Variants in ADGRL2 observed in about 807,000 individuals in gnomAD.
ADGRL2 encodes the protein calcium-independent alpha-latrotoxin receptor 2.
In ADGRL2, 44 loss-of-function variants were observed where a neutral mutation model predicts 157.4. That is an observed-to-expected ratio of 0.28 (90% CI 0.22 to 0.36). The LOEUF (loss-of-function observed/expected upper bound fraction) is 0.36, where lower values mean the gene tolerates loss of function less well. Ranked by LOEUF, ADGRL2 falls within the 10% of genes least tolerant of loss-of-function variation. ADGRL2 has a pLI of 1.00. For missense variants in ADGRL2, 1,510 were observed against 1,768.9 expected, an observed-to-expected ratio of 0.85 and a Z score of 2.63; for synonymous variants, 585 against 624.7, an observed-to-expected ratio of 0.94 and a Z score of 0.95.
intron 2 of ADGRL2, among the ~76,000 whole-genome samples, chr1:81,883,600 T>C (rs1308644503): frequency 6.6e-6 from 1 of 152,186 alleles, no homozygotes; most frequent in Non-Finnish European, 1.5e-5. Flanking sequence ...TCCTGGTTAC[T>C]TTAAAACCCA....
chr1:81,965,854 T>A (rs1230729396), intron 11 of ADGRL2, among the ~76,000 whole-genome samples: 6 of 152,160 alleles, frequency 3.9e-5, no homozygotes, highest in African/African-American at 1.2e-4. Context: ...CAATACAAAA[T>A]TTTTTTGAGA....
intron 1 of ADGRL2, among the ~76,000 whole-genome samples, chr1:81,439,149 T>C (rs1557689717): frequency 6.6e-6 from 1 of 152,232 alleles, no homozygotes; most frequent in Non-Finnish European, 1.5e-5. Flanking sequence ...ATGTTTCTCA[T>C]GTGTTGTTAT....
At chr1:81,754,350 G>A (rs1041666112) in intron 1 of ADGRL2, among the ~76,000 whole-genome samples, 2 of 150,434 alleles carry the variant, frequency 1.3e-5, no homozygotes, top group Non-Finnish European at 3.0e-5. Context: ...ATATAAAATG[G>A]GGATAATAAT....
chr1:81,950,073 C>A, intron 6 of ADGRL2, 116 bp from the exon 7 acceptor site: 1 of 791,458 alleles, frequency 1.3e-6, no homozygotes, highest in Non-Finnish European at 2.1e-6. Context: ...GGTTTGTGGG[C>A]AGACAGATGG....
intron 3 of ADGRL2, among the ~76,000 whole-genome samples, chr1:81,598,094 A>T (rs2148619739): frequency 6.6e-6 from 1 of 152,276 alleles, no homozygotes; most frequent in East Asian, 1.9e-4. Context: ...TGGTAAACTG[A>T]GCATATTCTC....
intron 1 of ADGRL2, among the ~76,000 whole-genome samples, chr1:81,384,757 TTACTAA>T (rs1286250093): frequency 1.3e-5 from 2 of 152,156 alleles, no homozygotes; most frequent in Non-Finnish European, 2.9e-5. Flanking sequence ...GTATCCACAA[TTACTAA>T]TATATGCTTG....
chr1:81,466,083 G>A lies in ADGRL2; in HGVS notation c.-248+20994G>A, dbSNP rs377519705. On this transcript the variant is annotated intron_variant, in intron 2 of 24. Coordinates refer to the ADGRL2 transcript ENST00000370721. The stretch of plus-strand genomic sequence containing the variant: ...TAATGTGTCAGAGAAGTATTGTAAA[G>A]TAATCTGCAAGAAGCCAGAAGATAG... Among the ~76,000 whole-genome samples the A allele has an allele frequency of 3.9e-5, 6 of 152,334 alleles. No homozygotes were observed. In the East Asian group the frequency reaches 9.6e-4, roughly 24 times the overall value.
intron 2 of ADGRL2, among the ~76,000 whole-genome samples, chr1:81,528,835 G>A (rs1362397924): frequency 2.6e-5 from 4 of 152,228 alleles, no homozygotes; most frequent in South Asian, 2.1e-4. Context: ...GGATAAAATA[G>A]AATTTTAACT....
intron 2 of ADGRL2, among the ~76,000 whole-genome samples, chr1:81,519,365 A>G (rs1015264827): frequency 6.6e-6 from 1 of 152,196 alleles, no homozygotes; most frequent in Non-Finnish European, 1.5e-5. Context: ...TTTCTGTACT[A>G]TTCCAGAAGG....
intron 1 of ADGRL2, among the ~76,000 whole-genome samples, chr1:81,822,155 A>C (rs544528007): frequency 3.1e-4 from 46 of 150,636 alleles, no homozygotes; most frequent in African/African-American, 1.1e-3. Context: ...CTGTCTTATA[A>C]TTTTGGAGGA....
At chr1:81,405,906 C>T (rs2076846060) in intron 1 of ADGRL2, among the ~76,000 whole-genome samples, 2 of 151,876 alleles carry the variant, frequency 1.3e-5, no homozygotes, top group African/African-American at 4.8e-5. Flanking sequence ...GTGTTATCTC[C>T]TCATAAAAAG....
chr1:81,597,237 C>A (rs1213344049), intron 3 of ADGRL2, among the ~76,000 whole-genome samples: 1 of 152,112 alleles, frequency 6.6e-6, no homozygotes, highest in Non-Finnish European at 1.5e-5. Flanking sequence ...TTCTCTTCAT[C>A]CTGTGATACT....
At chr1:81,594,515 G>A (rs1450376151) in intron 3 of ADGRL2, among the ~76,000 whole-genome samples, 1 of 152,162 alleles carries the variant, frequency 6.6e-6, no homozygotes, top group Non-Finnish European at 1.5e-5. Context: ...AGTTAAGTTA[G>A]TATATTTATT....
intron 2 of ADGRL2, among the ~76,000 whole-genome samples, chr1:81,574,332 A>G (rs2080755324): frequency 6.6e-6 from 1 of 152,144 alleles, no homozygotes; most frequent in Non-Finnish European, 1.5e-5. Flanking sequence ...TCCGGAAATT[A>G]AAATCATGTG....
chr1:81,855,100 A>G (rs555092655), intron 2 of ADGRL2, among the ~76,000 whole-genome samples: 10 of 152,286 alleles, frequency 6.6e-5, no homozygotes, highest in African/African-American at 2.2e-4. Flanking sequence ...TGAAGTAGAC[A>G]GGATATAAAG....
intron 3 of ADGRL2, among the ~76,000 whole-genome samples, chr1:81,624,483 G>A (rs1486083167): frequency 1.3e-5 from 2 of 152,034 alleles, no homozygotes; most frequent in Non-Finnish European, 2.9e-5. Context: ...CTCGGAGGCT[G>A]AGGCATGAGA....
At chr1:81,731,086 C>A (rs1305481903) in intron 1 of ADGRL2, among the ~76,000 whole-genome samples, 1 of 152,178 alleles carries the variant, frequency 6.6e-6, no homozygotes. Context: ...ATTAACTAGG[C>A]TGTGTAGGCA....
At chr1:81,899,135 CT>C (rs1451075035) in intron 2 of ADGRL2, among the ~76,000 whole-genome samples, 1 of 152,140 alleles carries the variant, frequency 6.6e-6, no homozygotes, top group African/African-American at 2.4e-5. Flanking sequence ...AGTAAGAACA[CT>C]TTTATGGGAA....
At chr1:81,774,183 C>T (rs565658172) in intron 2 of ADGRL2, among the ~76,000 whole-genome samples, 1 of 152,312 alleles carries the variant, frequency 6.6e-6, no homozygotes, top group Admixed American at 6.5e-5. Context: ...TCACCTTACT[C>T]AGTACTAGTC....
Sources: allele counts gnomAD v4.1 joint callset (sites outside exome capture counted in the v4.1 genomes callset), GRCh38; gene constraint gnomAD v4.1.1; transcripts MANE v1.5; gene names NCBI Gene and HGNC (gene_info 2026-07-23, HGNC 2026-07-21).